Variants in COG6 observed in about 807,000 individuals in gnomAD.
COG6 encodes the protein component of oligomeric golgi complex 6, also known as conserved oligomeric Golgi complex subunit 6.
In COG6, 74 loss-of-function variants were observed where a neutral mutation model predicts 88.8. That is an observed-to-expected ratio of 0.83 (90% CI 0.69 to 1.01). The LOEUF (loss-of-function observed/expected upper bound fraction) is 1.01, where lower values mean the gene tolerates loss of function less well. Among genes scored for constraint, COG6 ranks in the 50% least tolerant of loss-of-function variants. The pLI is 0.00. For synonymous variants in COG6, 286 were observed against 278.7 expected, an observed-to-expected ratio of 1.03 and a Z score of -0.26; for missense variants, 800 against 797.9, an observed-to-expected ratio of 1.00 and a Z score of -0.03.
chr13:39,722,659 A>T (rs1033415993), intron 15 of COG6, among the ~76,000 whole-genome samples: 1 of 151,460 alleles, frequency 6.6e-6, no homozygotes, highest in Non-Finnish European at 1.5e-5. Flanking sequence ...CTCACCAGGG[A>T]ATGTTTCAAC....
chr13:39,761,459 G>A (rs763393199), intron 18 of COG6, among the ~76,000 whole-genome samples: 11 of 151,946 alleles, frequency 7.2e-5, no homozygotes, highest in Non-Finnish European at 1.3e-4. Flanking sequence ...AAACACTTCA[G>A]TACCCTGGCC....
chr13:39,752,682 T>G (rs1880705199), downstream of COG6: 7 of 1,173,666 alleles, frequency 6.0e-6, no homozygotes, highest in Non-Finnish European at 7.5e-6. Context: ...TATTGATGTG[T>G]TTTTAGAAAA....
chr13:39,717,294 G>C (rs763560104), intron 13 of COG6, among the ~76,000 whole-genome samples: 5 of 151,800 alleles, frequency 3.3e-5, no homozygotes, highest in Non-Finnish European at 4.4e-5. Flanking sequence ...GTTACTGTAG[G>C]TCTCTTGAGT....
At chr13:39,780,386 T>G (rs1159059778) in intron 18 of COG6, among the ~76,000 whole-genome samples, 4 of 152,216 alleles carry the variant, frequency 2.6e-5, no homozygotes, top group Non-Finnish European at 5.9e-5. Flanking sequence ...CCCTCAGGCA[T>G]GCATGCCCTG....
At chr13:39,785,018 A>T (rs1232888858) in intron 18 of COG6, among the ~76,000 whole-genome samples, 1 of 152,212 alleles carries the variant, frequency 6.6e-6, no homozygotes, top group South Asian at 2.1e-4. Context: ...GCCCAGTCTC[A>T]GGTCCTTGGC....
chr13:39,784,762 A>C (rs916656121), intron 18 of COG6, among the ~76,000 whole-genome samples: 2 of 152,172 alleles, frequency 1.3e-5, no homozygotes, highest in African/African-American at 4.8e-5. Flanking sequence ...TTTCAAGAGA[A>C]TAGAAAGAGA....
chr13:39,682,414 T>C, intron 8 of COG6, 150 bp downstream of exon 8: 1 of 615,724 alleles, frequency 1.6e-6, no homozygotes, highest in Non-Finnish European at 2.9e-6. Context: ...TTGAATTTGT[T>C]TCATGGGGTA....
chr13:39,673,304 T>C (rs1486100619), intron 4 of COG6, among the ~76,000 whole-genome samples: 1 of 152,048 alleles, frequency 6.6e-6, no homozygotes, highest in Non-Finnish European at 1.5e-5. Context: ...AGTTATTTTA[T>C]CTATTTGTTT....
chr13:39,745,491 C>T lies in COG6; in HGVS notation c.1827-5455C>T, dbSNP rs1005849024. Among the ~76,000 whole-genome samples the T allele has an allele frequency of 2.0e-5, 3 of 152,188 alleles. No homozygotes were observed. The South Asian group carries it at 6.2e-4, about 32-fold the overall frequency. ...AACAGACACATGAAAAAATGCTCAT[C>T]ATCACTCACTGGTCATCAGAGAAAT... is the stretch of plus-strand genomic sequence containing the variant. On this transcript the variant is annotated intron_variant, in intron 18 of 18. Transcript: ENST00000455146.
intron 1 of COG6, chr13:39,656,238 A>G (rs1003174734): frequency 4.1e-6 from 2 of 484,488 alleles, no homozygotes; most frequent in African/African-American, 2.0e-5. Context: ...ACAAGACTGG[A>G]TATGAAACAG....
At chr13:39,717,290 G>A (rs1418782090) in intron 13 of COG6, among the ~76,000 whole-genome samples, 5 of 152,090 alleles carry the variant, frequency 3.3e-5, no homozygotes, top group East Asian at 3.9e-4. Flanking sequence ...GTGTGTTACT[G>A]TAGGTCTCTT....
intron 11 of COG6, among the ~76,000 whole-genome samples, chr13:39,691,377 G>C (rs1017440573): frequency 4.0e-4 from 61 of 151,888 alleles, no homozygotes; most frequent in African/African-American, 1.4e-3. Flanking sequence ...GATCTTTATG[G>C]CAATTGTAGG....
At chr13:39,678,738 A>G (rs1414545944) in intron 5 of COG6, among the ~76,000 whole-genome samples, 6 of 152,212 alleles carry the variant, frequency 3.9e-5, no homozygotes, top group Admixed American at 3.3e-4. Context: ...AGTAGGTATC[A>G]CTTTTACTGG....
chr13:39,694,664 C>G lies in COG6; in HGVS notation c.1105C>G (p.Pro369Ala). Residue 369 changes from proline (P) to alanine (A), a missense_variant, in exon 12 of 19, where the codon CCT becomes GCT. Physicochemically the swap from Pro to Ala is conservative, Grantham distance 27 (BLOSUM62 -1). Transcript: ENST00000455146. ...AATTGAGCAAGTAATAGTTGCTGAA[C>G]CTGGGGCAGTTTTATTATATAAAAT... ...VRIEQVIVAE[P>A]GAVLLYKISN... 6.2e-7 allele frequency: 1 copy of G among 1,601,232 alleles called. No homozygotes were observed. The highest frequency in any genetic ancestry group is 8.5e-7 in the Non-Finnish European group (1 of 1,170,224).
At chr13:39,703,899 A>T (rs9548890) in intron 13 of COG6, among the ~76,000 whole-genome samples, 35,146 of 147,548 alleles carry the variant, frequency 0.24, 4,299 homozygotes, top group Non-Finnish European at 0.28. Context: ...GCTAATTTAA[A>T]TTTTTTTTTT....
At chr13:39,743,741 T>C (rs1880180134) in intron 18 of COG6, among the ~76,000 whole-genome samples, 1 of 152,208 alleles carries the variant, frequency 6.6e-6, no homozygotes, top group South Asian at 2.1e-4. Flanking sequence ...GAATCCTCCC[T>C]AACTCATGTT....
At chr13:39,727,355 T>C in intron 17 of COG6, 114 bp from the exon 18 acceptor site, 1 of 795,860 alleles carries the variant, frequency 1.3e-6, no homozygotes, top group African/African-American at 1.7e-5. Flanking sequence ...AATCTAGTTA[T>C]TTAGAGTATG....
At chr13:39,709,031 C>T (rs1270322004) in intron 13 of COG6, among the ~76,000 whole-genome samples, 2 of 152,016 alleles carry the variant, frequency 1.3e-5, no homozygotes, top group African/African-American at 4.8e-5. Context: ...AGGAGAAATC[C>T]TGGGCTTTGG....
rs572701289 is a variant in COG6 at position 39,723,587 on chromosome 13, A to T, written c.1692+147A>T. ...CTTATTTTTCTGTATCTGTTTCCTTACCTGTGGATTGGGGGTAATAATAGT... is the reference window on the plus strand; with the variant it reads ...CTTATTTTTCTGTATCTGTTTCCTTTCCTGTGGATTGGGGGTAATAATAGT... On this transcript the variant is annotated intron_variant, in intron 16 of 18. Coordinates refer to ENST00000455146, the MANE Select transcript of COG6 (RefSeq NM_020751.3). The T allele has an allele frequency of 7.8e-5, 51 of 650,560 alleles. 1 individual carries two copies. The Admixed American group carries it at 1.1e-3, about 15-fold the overall frequency. The allele number at this position is 650,560 out of a possible 1,614,324, so 40.3% of individuals were successfully genotyped here.
Sources: allele counts gnomAD v4.1 joint callset (sites outside exome capture counted in the v4.1 genomes callset), GRCh38; gene constraint gnomAD v4.1.1; transcripts MANE v1.5; gene names NCBI Gene and HGNC (gene_info 2026-07-23, HGNC 2026-07-21).